Variants in CCNK observed in about 807,000 individuals in gnomAD.
The protein encoded by CCNK is cyclin K.
In CCNK, 9 loss-of-function variants were observed where a neutral mutation model predicts 65.0. The observed-to-expected ratio is 0.14, with a 90% CI of 0.08 to 0.24. The LOEUF (loss-of-function observed/expected upper bound fraction) is 0.24. Ranked by LOEUF, CCNK falls within the 10% of genes least tolerant of loss-of-function variation. The probability of loss-of-function intolerance (pLI) is 1.00; values close to 1 mark genes in which losing one functional copy is unlikely to be tolerated. For synonymous variants in CCNK, 279 were observed against 270.8 expected (o/e 1.03, Z -0.30); for missense variants, 474 against 720.0 (o/e 0.66, Z 3.91).
At chr14:99,485,874 A>C (rs1452873445) in intron 1 of CCNK, among the ~76,000 whole-genome samples, 1 of 152,174 alleles carries the variant, frequency 6.6e-6, no homozygotes, top group African/African-American at 2.4e-5. Context: ...AATGAATAAA[A>C]AAGAATAACC....
intron 6 of CCNK, chr14:99,501,744 T>A (rs1896836079): frequency 3.4e-6 from 1 of 296,706 alleles, no homozygotes; most frequent in African/African-American, 2.2e-5. Context: ...TGGTATAGTT[T>A]TAGAGCCTTA....
At position 99,495,638 on chromosome 14, in the gene CCNK, GATA is replaced by G. The variant is rs755839795; in HGVS notation, c.411+14_411+16del. 4.4e-5 allele frequency: 70 copies of G among 1,597,728 alleles called. No homozygotes were observed. Among genetic ancestry groups the G allele is most frequent in the Non-Finnish European group, 5.3e-5 (62 of 1,173,706 alleles). On this transcript the variant is annotated intron_variant, in intron 4 of 10. Transcript: ENST00000389879. ...TTGGAGATGACCCAAAGGTAAGAAT[GATA>G]ATAACTTCCTGCCTTCTGGTCTTGA... is the stretch of plus-strand genomic sequence containing the variant.
intron 3 of CCNK, 73 bp downstream of exon 3, chr14:99,493,668 A>G: frequency 1.0e-6 from 1 of 1,004,654 alleles, no homozygotes; most frequent in Non-Finnish European, 1.5e-6. Context: ...GACTAATTAT[A>G]AGCTCTATTT....
intron 10 of CCNK, chr14:99,508,649 T>A (rs1897036213): frequency 6.6e-6 from 1 of 152,514 alleles, no homozygotes; most frequent in African/African-American, 2.4e-5. Context: ...TAGGGAGCAG[T>A]TTGGTGGCAG....
At chr14:99,491,470 G>A (rs1896596519) in intron 1 of CCNK, among the ~76,000 whole-genome samples, 1 of 152,176 alleles carries the variant, frequency 6.6e-6, no homozygotes, top group South Asian at 2.1e-4. Flanking sequence ...GTCTGATTAT[G>A]AACAGGTCAT....
At position 99,512,365 on chromosome 14, in the gene CCNK, C is replaced by CTT. The variant is rs1386701826; in HGVS notation, c.*1585_*1586dup. 1 of 151,688 alleles carries CTT rather than the reference C, an allele frequency of 6.6e-6. No homozygotes were observed. Among genetic ancestry groups the CTT allele is most frequent in the Non-Finnish European group, 1.5e-5 (1 of 68,014 alleles). 9.4% of individuals were successfully genotyped at this position (151,688 alleles called of 1,614,324 possible). On this transcript the variant is annotated 3_prime_UTR_variant, in exon 11 of 11. Transcript: ENST00000389879. ...CCATCTCCAAAAAGCAGCACAAATA[C>CTT]TTTGCCCCACAGTATGAAAAATATA...
chr14:99,488,108 C>T (rs572140934), intron 1 of CCNK, among the ~76,000 whole-genome samples: 59 of 152,234 alleles, frequency 3.9e-4, no homozygotes, highest in African/African-American at 1.3e-3. Flanking sequence ...TGACACTTTA[C>T]CCAAAATACT....
intron 10 of CCNK, chr14:99,507,352 G>A: frequency 1.8e-6 from 1 of 566,808 alleles, no homozygotes; most frequent in Non-Finnish European, 3.2e-6. Context: ...GGAGGCAGGA[G>A]AATCACCTGA....
At position 99,492,648 on chromosome 14, in the gene CCNK, C is replaced by G. The variant is rs1227981626; in HGVS notation, c.-30C>G. 1 of 1,561,308 alleles carries G rather than the reference C, an allele frequency of 6.4e-7. No homozygotes were observed. Among genetic ancestry groups the G allele is most frequent in the Non-Finnish European group, 8.6e-7 (1 of 1,158,300 alleles). Reference sequence around the variant, plus strand: ...TAGGATTCTAACATTTTCAGAGAACCTTTTGGAAAGAACAAGCCTACTTCA... The same window carrying G: ...TAGGATTCTAACATTTTCAGAGAACGTTTTGGAAAGAACAAGCCTACTTCA... On this transcript the variant is annotated 5_prime_UTR_variant, in exon 2 of 11. Coordinates refer to ENST00000389879, the MANE Select transcript of CCNK (RefSeq NM_001099402.2).
chr14:99,492,450 G>T, intron 1 of CCNK, 176 bp from the exon 2 acceptor site: 1 of 494,268 alleles, frequency 2.0e-6, no homozygotes, highest in Non-Finnish European at 3.5e-6. Flanking sequence ...TTAGTACTGG[G>T]GTCATCTTAC....
intron 9 of CCNK, chr14:99,504,724 A>C (rs553092921): frequency 6.6e-6 from 1 of 152,320 alleles, no homozygotes; most frequent in South Asian, 2.1e-4. Flanking sequence ...TGCTGCGATT[A>C]CAGGCATGAG....
intron 8 of CCNK, chr14:99,503,391 G>A (rs1234106230): frequency 1.7e-6 from 1 of 603,602 alleles, no homozygotes; most frequent in Non-Finnish European, 3.0e-6. Flanking sequence ...AGGAAAGCTA[G>A]TCATTCTGTC....
In CCNK at chr14:99,492,712, T is replaced by G. The variant is rs1002256892; in HGVS notation, c.35T>G (p.Val12Gly). The G allele has an allele frequency of 6.2e-7, 1 of 1,610,286 alleles. No homozygotes were observed. Among genetic ancestry groups the G allele is most frequent in the African/African-American group, 1.3e-5 (1 of 74,684 alleles). Residue 12 changes from valine (V) to glycine (G), a missense_variant, in exon 2 of 11, where the codon GTA becomes GGA. This residue lies in a region of CCNK where 87 missense variants were observed against 166.2 expected (regional missense o/e 0.52). Transcript: ENST00000389879. ...AATAAAGAAAATTCAAGCCCTTCAG[T>G]AACTTCAGCAAACCTGGACCACACA... The part of the protein sequence containing the change: ...KENKENSSPS[V>G]TSANLDHTKP...
In CCNK at chr14:99,503,647, A is replaced by G; in HGVS notation, c.1045+3A>G. 5 of 1,558,098 alleles carry G rather than the reference A, an allele frequency of 3.2e-6. 1 individual carries two copies. In the South Asian group the frequency reaches 3.6e-5, roughly 11 times the overall value. On this transcript the variant is annotated splice_donor_region_variant and intron_variant, in intron 9 of 10. Coordinates refer to ENST00000389879, the MANE Select transcript of CCNK (RefSeq NM_001099402.2). ...CAAAGAAGAGAACAAAGCAGCAGGT[A>G]ATTTCCTGTTCTGATGTTTTTTTAG...
Position 99,496,600 on chromosome 14 carries a change from C to T in CCNK, c.411+971C>T, listed in dbSNP as rs972011266. Reference sequence around the variant, plus strand: ...TGGTGGGTGCCTGTAGTCCCAGCTACTCGGGAGGTTGAGGCAGGAGAATGG... The same window carrying T: ...TGGTGGGTGCCTGTAGTCCCAGCTATTCGGGAGGTTGAGGCAGGAGAATGG... On this transcript the variant is annotated intron_variant, in intron 4 of 10. Transcript: ENST00000389879. Among the ~76,000 whole-genome samples the T allele has an allele frequency of 2.6e-5, 4 of 152,098 alleles. No individual in the cohort carries two copies. In the South Asian group the frequency reaches 8.3e-4, roughly 32 times the overall value.
Position 99,500,930 on chromosome 14 carries a change from A to G in CCNK, c.517+59A>G, listed in dbSNP as rs562693665. On this transcript the variant is annotated intron_variant, in intron 5 of 10. Transcript: ENST00000389879. ...TCTGAAATCAAGTCTTTATAATTTGATGACACTCAAATTACGCTTCTCAAA... is the reference window on the plus strand; with the variant it reads ...TCTGAAATCAAGTCTTTATAATTTGGTGACACTCAAATTACGCTTCTCAAA... 24 of 1,042,202 alleles carry G rather than the reference A, an allele frequency of 2.3e-5. No individual in the cohort carries two copies. In the East Asian group the frequency reaches 5.2e-4, roughly 23 times the overall value. 64.6% of individuals were successfully genotyped at this position (1,042,202 alleles called of 1,614,324 possible).
At position 99,512,151 on chromosome 14, in the gene CCNK, G is replaced by GCT. The variant is rs1897145164; in HGVS notation, c.*1369_*1370insCT. 1 of 152,166 alleles carries GCT rather than the reference G, an allele frequency of 6.6e-6. No homozygotes were observed. The highest frequency in any genetic ancestry group is 2.4e-5 in the African/African-American group (1 of 41,438). The allele number at this position is 152,166 out of a possible 1,614,324, so 9.4% of individuals were successfully genotyped here. A position where few individuals can be genotyped will look rare whatever the true frequency, so the allele number is the denominator to read the frequency against. The stretch of plus-strand genomic sequence containing the variant: ...AATGTTTTTACCACACTATCAAAAA[G>GCT]TTCTATTTCTTCTTGTCTCCCCACG... On this transcript the variant is annotated 3_prime_UTR_variant, in exon 11 of 11. Coordinates refer to ENST00000389879, the MANE Select transcript of CCNK (RefSeq NM_001099402.2).
chr14:99,486,210 A>C (rs896903532), intron 1 of CCNK, among the ~76,000 whole-genome samples: 1 of 152,124 alleles, frequency 6.6e-6, no homozygotes, highest in Non-Finnish European at 1.5e-5. Context: ...CTGACATCCC[A>C]TGGTTTGTTT....
At chr14:99,488,652 T>C (rs1896541463) in intron 1 of CCNK, among the ~76,000 whole-genome samples, 3 of 152,246 alleles carry the variant, frequency 2.0e-5, no homozygotes, top group Admixed American at 2.0e-4. Context: ...TGATGTCAAG[T>C]GTGATCATTT....
Sources: gnomAD v4.1 joint callset for allele counts (sites outside exome capture counted in the v4.1 genomes callset) on GRCh38, gnomAD v4.1.1 for gene constraint, gnomAD v4.1.1 regional missense constraint, MANE v1.5 for transcripts, NCBI Gene and HGNC (gene_info 2026-07-23, HGNC 2026-07-21) for gene names.